The following TNRC18 variants were observed in gnomAD, a reference collection of about 807,000 sequenced individuals.
TNRC18 encodes the protein trinucleotide repeat containing 18.
TNRC18 carries 69 observed loss-of-function variants against 226.7 expected under a neutral mutation model. The ratio of observed to expected loss-of-function variants is 0.30; its 90% confidence interval spans 0.25 to 0.37. The LOEUF (loss-of-function observed/expected upper bound fraction) is 0.37. TNRC18 is among the 10% of genes least tolerant of loss of function. The pLI, the probability that TNRC18 is intolerant of heterozygous loss-of-function variation, is 1.00. For missense variants in TNRC18, 4,754 were observed against 4,256.6 expected, an observed-to-expected ratio of 1.12 and a Z score of -3.25; for synonymous variants, 2,449 against 1,927.6, an observed-to-expected ratio of 1.27 and a Z score of -7.09.
intron 10 of TNRC18, among the ~76,000 whole-genome samples, chr7:5,372,576 A>G (rs549286798): frequency 1.0e-3 from 156 of 152,140 alleles, no homozygotes; most frequent in African/African-American, 3.1e-3. Context: ...TTAGCTGGTC[A>G]TGGTGGCGCA....
chr7:5,318,914 G>T (rs1000203307), intron 24 of TNRC18, among the ~76,000 whole-genome samples: 13 of 152,206 alleles, frequency 8.5e-5, no homozygotes, highest in African/African-American at 3.1e-4. Context: ...AACTCCCACA[G>T]ACTCTTCCTC....
At chr7:5,329,222 T>C (rs529384403) in intron 19 of TNRC18, among the ~76,000 whole-genome samples, 14 of 150,634 alleles carry the variant, frequency 9.3e-5, no homozygotes, top group Admixed American at 2.6e-4. Flanking sequence ...AGAATCGCTT[T>C]AATCTGGGAG....
chr7:5,395,687 TA>T (rs1461432002), intron 2 of TNRC18, among the ~76,000 whole-genome samples: 1 of 152,220 alleles, frequency 6.6e-6, no homozygotes, highest in African/African-American at 2.4e-5. Flanking sequence ...AGCATGTGTT[TA>T]ACCACAATGA....
intron 11 of TNRC18, among the ~76,000 whole-genome samples, chr7:5,369,138 G>A (rs545610325): frequency 3.3e-5 from 5 of 152,018 alleles, no homozygotes; most frequent in Admixed American, 6.6e-5. Flanking sequence ...ACTTGAGGTC[G>A]GGAGTTCGAG....
rs777909881 is a variant in TNRC18, at chr7:5,308,917, C to A, written c.8658G>T (p.Pro2886=). Reference sequence around the variant, plus strand: ...TCTGGCTGGAGACCCGCAGGGCCGCCGGGAGGCTGCGGCTGGACTTCTGGT... The same window carrying A: ...TCTGGCTGGAGACCCGCAGGGCCGCAGGGAGGCTGCGGCTGGACTTCTGGT... ...HWDQKSSRSL[P]AALRVSSQRK... Residue 2886 remains proline (P), a synonymous_variant, in exon 29 of 30, where the codon CCG becomes CCT. Transcript: ENST00000430969. 1 of 1,606,314 alleles carries A rather than the reference C, an allele frequency of 6.2e-7. No individual in the cohort carries two copies. Among genetic ancestry groups the A allele is most frequent in the East Asian group, 2.2e-5 (1 of 44,682 alleles).
At chr7:5,368,186 C>T (rs777418417) in intron 11 of TNRC18, among the ~76,000 whole-genome samples, 36 of 152,182 alleles carry the variant, frequency 2.4e-4, no homozygotes, top group Middle Eastern at 3.4e-3. Flanking sequence ...AAAACCACAG[C>T]TTTAAGCCGG....
At chr7:5,371,839 AG>A (rs1451718877) in intron 10 of TNRC18, among the ~76,000 whole-genome samples, 1 of 152,156 alleles carries the variant, frequency 6.6e-6, no homozygotes, top group East Asian at 1.9e-4. Flanking sequence ...AGGAGGCCAA[AG>A]GGGGATGATC....
chr7:5,411,370 A>G (rs1444763949), intron 2 of TNRC18, among the ~76,000 whole-genome samples: 1 of 151,816 alleles, frequency 6.6e-6, no homozygotes, highest in Non-Finnish European at 1.5e-5. Context: ...CCTAGAGGGA[A>G]GGCCGTGTGT....
intron 5 of TNRC18, among the ~76,000 whole-genome samples, chr7:5,378,299 G>A (rs536070585): frequency 2.5e-4 from 38 of 152,296 alleles, no homozygotes; most frequent in Non-Finnish European, 4.0e-4. Context: ...CAACCGTGGC[G>A]ATAATTAGGC....
Position 5,393,811 on chromosome 7 carries a change from T to C in TNRC18, c.343+629A>G, listed in dbSNP as rs150478287. Among the ~76,000 whole-genome samples, 751 of 152,126 alleles carry C rather than the reference T, an allele frequency of 4.9e-3. 5 individuals are homozygous for C. The highest frequency in any genetic ancestry group is 0.018 in the African/African-American group (729 of 41,506). On this transcript the variant is annotated intron_variant, in intron 3 of 29. Transcript: ENST00000430969. ...AAGCCAGGCCTGCAGAGCCCCTACA[T>C]TGAGGGGCATGGCTGCAGAAATGCA...
intron 19 of TNRC18, among the ~76,000 whole-genome samples, chr7:5,326,762 G>T (rs193037392): frequency 6.6e-6 from 1 of 150,832 alleles, no homozygotes; most frequent in Admixed American, 6.6e-5. Context: ...AGCCGAGATC[G>T]CGCCACCACA....
chr7:5,384,464 C>T (rs1372670418), intron 5 of TNRC18, among the ~76,000 whole-genome samples: 2 of 152,120 alleles, frequency 1.3e-5, no homozygotes, highest in Non-Finnish European at 2.9e-5. Context: ...CAGATAAATC[C>T]CCAAACATCT....
chr7:5,422,665 T>G (rs1584149510), intron 1 of TNRC18: 1 of 151,804 alleles, frequency 6.6e-6, no homozygotes, highest in Non-Finnish European at 1.5e-5. Context: ...GGAGACCCCC[T>G]CGGCTGCAAA....
chr7:5,308,043 C>T lies in TNRC18; in HGVS notation c.*63G>A. The stretch of plus-strand genomic sequence containing the variant: ...AACGCACGTGGTCTCCGCGCCATGG[C>T]AGTGATGGAGATGGGTCCCTGGCCG... On this transcript the variant is annotated 3_prime_UTR_variant, in exon 30 of 30. Coordinates refer to ENST00000430969, the MANE Select transcript of TNRC18 (RefSeq NM_001080495.3). The T allele has an allele frequency of 6.9e-7, 1 of 1,449,338 alleles. No homozygotes were observed. Among genetic ancestry groups the T allele is most frequent in the Non-Finnish European group, 9.4e-7 (1 of 1,065,130 alleles). 89.8% of individuals were successfully genotyped at this position (1,449,338 alleles called of 1,614,324 possible).
In TNRC18 at chr7:5,324,062, G is replaced by C. The variant is rs1232852722; in HGVS notation, c.6442+152C>G. Among the ~76,000 whole-genome samples the C allele has an allele frequency of 6.6e-6, 1 of 152,072 alleles. No individual in the cohort carries two copies. Among genetic ancestry groups the C allele is most frequent in the Non-Finnish European group, 1.5e-5 (1 of 68,026 alleles). ...CTGCAGCCAGTCCAGCCTTCTCATCGACCCGGATAACTCAGCCTCAGGATC... is the reference window on the plus strand; with the variant it reads ...CTGCAGCCAGTCCAGCCTTCTCATCCACCCGGATAACTCAGCCTCAGGATC... On this transcript the variant is annotated intron_variant, in intron 21 of 29. Coordinates refer to ENST00000430969, the MANE Select transcript of TNRC18 (RefSeq NM_001080495.3). This position sits in a 1 kb window ranked among gnomAD's most constrained non-coding sequence, Gnocchi z 4.8.
intron 21 of TNRC18, among the ~76,000 whole-genome samples, chr7:5,321,465 G>C (rs181056899): frequency 1.3e-5 from 2 of 152,126 alleles, no homozygotes; most frequent in Admixed American, 6.6e-5. Context: ...CCCCAGGTGG[G>C]TGTGAACCCA....
chr7:5,343,663 C>T (rs531477513), intron 18 of TNRC18, among the ~76,000 whole-genome samples: 2 of 152,162 alleles, frequency 1.3e-5, no homozygotes, highest in Non-Finnish European at 1.5e-5. Flanking sequence ...CTGAGCTCAA[C>T]CAATCCTCCT....
At chr7:5,314,040 C>A (rs1787588825) in intron 26 of TNRC18, among the ~76,000 whole-genome samples, 177 bp from the exon 27 acceptor site, 1 of 152,028 alleles carries the variant, frequency 6.6e-6, no homozygotes, top group South Asian at 2.1e-4. Flanking sequence ...TCATTGCAGC[C>A]CTAACCTGCC....
chr7:5,345,517 G>GCCCTCCC, intron 18 of TNRC18, 45 bp downstream of exon 18: 6 of 377,744 alleles, frequency 1.6e-5, no homozygotes, highest in Admixed American at 4.8e-5. Flanking sequence ...AATGGCGTCC[G>GCCCTCCC]CCCCTCCCAC....
Sources: allele counts gnomAD v4.1 joint callset (sites outside exome capture counted in the v4.1 genomes callset), GRCh38; gene constraint gnomAD v4.1.1; non-coding constraint Gnocchi (gnomAD v3.1); transcripts MANE v1.5; gene names NCBI Gene and HGNC (gene_info 2026-07-23, HGNC 2026-07-21).